Variants in SNRNP200 observed in about 807,000 individuals in gnomAD.
The protein encoded by SNRNP200 is U5 small nuclear ribonucleoprotein 200 kDa helicase.
A neutral mutation model predicts 255.2 loss-of-function variants in SNRNP200; 66 were observed. The ratio of observed to expected loss-of-function variants is 0.26; its 90% CI spans 0.21 to 0.32. The LOEUF (loss-of-function observed/expected upper bound fraction) is 0.32. Ranked by LOEUF, SNRNP200 falls within the 10% of genes least tolerant of loss-of-function variation. The probability of loss-of-function intolerance (pLI) is 1.00; values close to 1 mark genes in which losing one functional copy is unlikely to be tolerated. For missense variants in SNRNP200, 1,585 were observed against 2,749.8 expected, an observed-to-expected ratio of 0.58 and a Z score of 9.47; for synonymous variants, 939 against 1,027.8, an observed-to-expected ratio of 0.91 and a Z score of 1.65.
In SNRNP200 at chr2:96,287,642, G is replaced by T; in HGVS notation, c.3366-85C>A. ...CTTCATGGCTTCCAATAGTTTAGCA[G>T]TGACTACACAAAACACAGTCATTAA... On this transcript the variant is annotated intron_variant, in intron 25 of 44. Transcript: ENST00000323853. The surrounding 1 kb of genome is among the most constrained non-coding windows in gnomAD (Gnocchi z 5.7). 9.3e-7 allele frequency: 1 copy of T among 1,077,070 alleles called. No homozygotes were observed. The highest frequency in any genetic ancestry group is 1.4e-6 in the Non-Finnish European group (1 of 690,418). 66.7% of individuals were successfully genotyped at this position (1,077,070 alleles called of 1,614,324 possible). A position where few individuals can be genotyped will look rare whatever the true frequency, so the allele number is the denominator to read the frequency against.
Position 96,291,578 on chromosome 2 carries a change from T to A in SNRNP200, c.2311-76A>T. 8.0e-7 allele frequency: 1 copy of A among 1,243,220 alleles called. No homozygotes were observed. The highest frequency in any genetic ancestry group is 1.2e-6 in the Non-Finnish European group (1 of 844,454). 77.0% of individuals were successfully genotyped at this position (1,243,220 alleles called of 1,614,324 possible). A position where few individuals can be genotyped will look rare whatever the true frequency, so the allele number is the denominator to read the frequency against. On this transcript the variant is annotated intron_variant, in intron 17 of 44. Transcript: ENST00000323853. The surrounding 1 kb of genome is among the most constrained non-coding windows in gnomAD (Gnocchi z 4.2). Reference sequence around the variant, plus strand: ...CAAGGACTAAGGAAATCTCCTCCCATGAGACCCTGCCCCTTAACTATTATG... The same window carrying A: ...CAAGGACTAAGGAAATCTCCTCCCAAGAGACCCTGCCCCTTAACTATTATG...
At chr2:96,275,397 C>T (rs376688054) in intron 43 of SNRNP200, 48 bp from the exon 44 acceptor site, 2 of 1,471,016 alleles carry the variant, frequency 1.4e-6, no homozygotes, top group Admixed American at 3.3e-5. Context: ...ACTTGATGAC[C>T]ATAGGCAACC....
At position 96,290,251 on chromosome 2, in the gene SNRNP200, A is replaced by G. The variant is rs143936436; in HGVS notation, c.2742+75T>C. 5,251 of 1,523,476 alleles carry G rather than the reference A, an allele frequency of 3.4e-3. 284 individuals are homozygous for G. In the Admixed American group the frequency reaches 0.081, roughly 23 times the overall value. 94.4% of individuals were successfully genotyped at this position (1,523,476 alleles called of 1,614,324 possible). ...TCGGACGCTGCTGGCCCGCAGCACAATAGGGACCGACCCACTCCTGGTGCC... is the reference window on the plus strand; with the variant it reads ...TCGGACGCTGCTGGCCCGCAGCACAGTAGGGACCGACCCACTCCTGGTGCC... On this transcript the variant is annotated intron_variant, in intron 20 of 44. Coordinates refer to ENST00000323853, the MANE Select transcript of SNRNP200 (RefSeq NM_014014.5). This position sits in a 1 kb window ranked among gnomAD's most constrained non-coding sequence, Gnocchi z 4.5.
chr2:96,285,088 C>T, intron 30 of SNRNP200, 92 bp downstream of exon 30: 1 of 1,457,352 alleles, frequency 6.9e-7, no homozygotes, highest in Admixed American at 1.7e-5. Flanking sequence ...GAGGAAATGA[C>T]CCTGCAAATT....
chr2:96,278,076 T>C lies in SNRNP200; in HGVS notation c.5611-126A>G, dbSNP rs560522475. On this transcript the variant is annotated intron_variant, in intron 39 of 44. Transcript: ENST00000323853. This position sits in a 1 kb window ranked among gnomAD's most constrained non-coding sequence, Gnocchi z 6.9. ...ACACCCTGAGGCATGTGGGTGGTAA[T>C]GGGATGGAGATGGGTTTGAGGGAGG... The C allele has an allele frequency of 3.0e-5, 46 of 1,529,478 alleles. No individual in the cohort carries two copies. In the African/African-American group the frequency reaches 5.9e-4, roughly 20 times the overall value. 94.7% of individuals were successfully genotyped at this position (1,529,478 alleles called of 1,614,324 possible). A position where few individuals can be genotyped will look rare whatever the true frequency, so the allele number is the denominator to read the frequency against.
chr2:96,280,558 C>CT (rs111733356), intron 35 of SNRNP200, among the ~76,000 whole-genome samples: 48,774 of 150,918 alleles, frequency 0.32, 8,473 homozygotes, highest in South Asian at 0.7. Flanking sequence ...CTTCTAACTT[C>CT]TTTTTTTTTG....
At chr2:96,281,163 C>CTTTTTTT (rs56825196) in intron 35 of SNRNP200, 2 of 92,684 alleles carry the variant, frequency 2.2e-5, no homozygotes, top group African/African-American at 4.2e-5. Flanking sequence ...CACACCCAGG[C>CTTTTTTT]TTTTTTTTTT....
intron 14 of SNRNP200, among the ~76,000 whole-genome samples, chr2:96,294,314 T>C (rs1198443477): frequency 2.0e-5 from 3 of 152,144 alleles, no homozygotes; most frequent in Middle Eastern, 3.4e-3. Flanking sequence ...GGCGGGCAAC[T>C]GTAATCCCAG....
Position 96,290,140 on chromosome 2 carries a change from T to A in SNRNP200, c.2743-144A>T. 9.6e-7 allele frequency: 1 copy of A among 1,039,402 alleles called. No homozygotes were observed. The highest frequency in any genetic ancestry group is 1.5e-6 in the Non-Finnish European group (1 of 668,414). 64.4% of individuals were successfully genotyped at this position (1,039,402 alleles called of 1,614,324 possible). ...CTGAATGTTTTTAGCATTTCATTAT[T>A]AAAAAGATCTAAGCGTCTTCTAAGA... On this transcript the variant is annotated intron_variant, in intron 20 of 44. Coordinates refer to ENST00000323853, the MANE Select transcript of SNRNP200 (RefSeq NM_014014.5). This position sits in a 1 kb window ranked among gnomAD's most constrained non-coding sequence, Gnocchi z 4.5.
chr2:96,288,503 C>T (rs973352251), intron 24 of SNRNP200, among the ~76,000 whole-genome samples, 160 bp downstream of exon 24: 5 of 152,302 alleles, frequency 3.3e-5, no homozygotes, highest in African/African-American at 9.6e-5. Flanking sequence ...TACAGAGTGG[C>T]TGTACCACAC....
At chr2:96,276,749 A>G (rs1239293699) in intron 43 of SNRNP200, 155 bp downstream of exon 43, 5 of 844,778 alleles carry the variant, frequency 5.9e-6, no homozygotes, top group South Asian at 1.3e-5. Flanking sequence ...ACAAACAGAA[A>G]AAAAACCCCA....
At chr2:96,300,858 T>A in intron 5 of SNRNP200, 140 bp downstream of exon 5, 3 of 714,506 alleles carry the variant, frequency 4.2e-6, no homozygotes, top group Non-Finnish European at 7.5e-6. Context: ...CAAAAGAACA[T>A]ATAATGCCCA....
Position 96,302,160 on chromosome 2 carries a change from C to T in SNRNP200, c.382-444G>A, listed in dbSNP as rs186196107. ...ATCTTGGCTCTGCCAAATACTACTT[C>T]TGTGACTCGGGAAAATTACTTAACT... On this transcript the variant is annotated intron_variant, in intron 3 of 44. Transcript: ENST00000323853. Among the ~76,000 whole-genome samples, 194 of 152,346 alleles carry T rather than the reference C, an allele frequency of 1.3e-3. 1 individual carries two copies. In the Middle Eastern group the frequency reaches 0.027, roughly 21 times the overall value.
Position 96,290,941 on chromosome 2 carries a change from C to T in SNRNP200, c.2422-126G>A. ...CTAGCCGGTAGGGCGCGTGGGGTCC[C>T]AGTACTTGTCAATGTGACACCAGAA... On this transcript the variant is annotated intron_variant, in intron 18 of 44. Coordinates refer to ENST00000323853, the MANE Select transcript of SNRNP200 (RefSeq NM_014014.5). This position sits in a 1 kb window ranked among gnomAD's most constrained non-coding sequence, Gnocchi z 4.5. 1 of 1,028,348 alleles carries T rather than the reference C, an allele frequency of 9.7e-7. No individual in the cohort carries two copies. The highest frequency in any genetic ancestry group is 1.5e-6 in the Non-Finnish European group (1 of 671,998). 63.7% of individuals were successfully genotyped at this position (1,028,348 alleles called of 1,614,324 possible). A position where few individuals can be genotyped will look rare whatever the true frequency, so the allele number is the denominator to read the frequency against.
intron 21 of SNRNP200, 98 bp from the exon 22 acceptor site, chr2:96,289,477 T>G: frequency 7.4e-7 from 1 of 1,358,868 alleles, no homozygotes; most frequent in Non-Finnish European, 1.0e-6. Flanking sequence ...TTTTGTACTT[T>G]TTTTTTGGTA....
intron 6 of SNRNP200, 101 bp from the exon 7 acceptor site, chr2:96,299,068 CCTT>C: frequency 6.7e-7 from 1 of 1,488,960 alleles, no homozygotes; most frequent in South Asian, 1.1e-5. Flanking sequence ...CCATAGCCCA[CCTT>C]CTTGTGAGGA....
In SNRNP200 at chr2:96,287,430, C is replaced by T; in HGVS notation, c.3484+9G>A. On this transcript the variant is annotated intron_variant, in intron 26 of 44. Transcript: ENST00000323853. The surrounding 1 kb of genome is among the most constrained non-coding windows in gnomAD (Gnocchi z 5.7). ...GCAGTGAGGACAAGGGCGAGAGCAT[C>T]CCACACACCAATCTCATTATGATTC... 6.3e-7 allele frequency: 1 copy of T among 1,586,454 alleles called. No individual in the cohort carries two copies. Among genetic ancestry groups the T allele is most frequent in the Middle Eastern group, 1.7e-4 (1 of 6,012 alleles).
In SNRNP200 at chr2:96,291,947, C is replaced by T; in HGVS notation, c.2161-47G>A. On this transcript the variant is annotated intron_variant, in intron 16 of 44. Coordinates refer to ENST00000323853, the MANE Select transcript of SNRNP200 (RefSeq NM_014014.5). This position sits in a 1 kb window ranked among gnomAD's most constrained non-coding sequence, Gnocchi z 4.2. ...CTACAGTCACGAGATACTCACAGCC[C>T]CAGGGCACCTGCAGCAGGAAGCAGA... 1 of 1,606,996 alleles carries T rather than the reference C, an allele frequency of 6.2e-7. No homozygotes were observed. Among genetic ancestry groups the T allele is most frequent in the Non-Finnish European group, 8.5e-7 (1 of 1,177,700 alleles).
chr2:96,299,595 T>C (rs1166912505), intron 5 of SNRNP200, among the ~76,000 whole-genome samples, 168 bp from the exon 6 acceptor site: 1 of 152,236 alleles, frequency 6.6e-6, no homozygotes, highest in Non-Finnish European at 1.5e-5. Context: ...GGACATAGAA[T>C]GACTGCTTAG....
Sources: allele counts gnomAD v4.1 joint callset (sites outside exome capture counted in the v4.1 genomes callset), GRCh38; gene constraint gnomAD v4.1.1; non-coding constraint Gnocchi (gnomAD v3.1); transcripts MANE v1.5; gene names NCBI Gene and HGNC (gene_info 2026-07-23, HGNC 2026-07-21).